TNIK: variants seen among roughly 807,000 people sequenced by gnomAD.
TNIK encodes TRAF2 and NCK-interacting protein kinase.
TNIK carries 49 observed loss-of-function variants against 191.3 expected under a neutral mutation model. The ratio of observed to expected loss-of-function variants is 0.26; its 90% confidence interval spans 0.20 to 0.32. TNIK has a LOEUF of 0.32. Ranked by LOEUF, TNIK falls within the 10% of genes least tolerant of loss-of-function variation. The pLI, the probability that TNIK is intolerant of heterozygous loss-of-function variation, is 1.00. For missense variants in TNIK, 1,155 were observed against 1,702.3 expected (o/e 0.68, Z 5.66); for synonymous variants, 594 against 600.9 (o/e 0.99, Z 0.17).
chr3:171,071,389 A>G (rs911856034), intron 28 of TNIK, 66 bp from the exon 29 acceptor site: 20 of 1,106,940 alleles, frequency 1.8e-5, no homozygotes, highest in Non-Finnish European at 2.6e-5. Context: ...ATTAATATTA[A>G]TGAATGTATA....
chr3:171,084,376 T>A (rs755113152), intron 25 of TNIK, 51 bp from the exon 26 acceptor site: 2 of 1,572,372 alleles, frequency 1.3e-6, no homozygotes, highest in Non-Finnish European at 1.7e-6. Flanking sequence ...AGATAACTTA[T>A]GGAGATGGGG....
At chr3:171,122,770 C>A (rs1358622159) in intron 18 of TNIK, among the ~76,000 whole-genome samples, 1 of 152,164 alleles carries the variant, frequency 6.6e-6, no homozygotes, top group Non-Finnish European at 1.5e-5. Context: ...CTTTTTATAG[C>A]CTTAGCAGAG....
intron 2 of TNIK, among the ~76,000 whole-genome samples, chr3:171,351,306 TAGGAG>T (rs1713166381): frequency 6.6e-6 from 1 of 150,692 alleles, no homozygotes; most frequent in Non-Finnish European, 1.5e-5. Context: ...CATGCAGATA[TAGGAG>T]GTGTGTATAT....
chr3:171,426,676 C>T (rs759439217), intron 1 of TNIK, among the ~76,000 whole-genome samples: 3 of 152,128 alleles, frequency 2.0e-5, no homozygotes, highest in Non-Finnish European at 4.4e-5. Flanking sequence ...CCATCCTCTC[C>T]AGAGTCTCCA....
At chr3:171,138,770 A>G (rs1730380763) in intron 14 of TNIK, among the ~76,000 whole-genome samples, 1 of 152,182 alleles carries the variant, frequency 6.6e-6, no homozygotes, top group African/African-American at 2.4e-5. Flanking sequence ...TCAAACATGT[A>G]CAATTAAGTA....
chr3:171,157,402 T>A, intron 12 of TNIK, 58 bp downstream of exon 12: 1 of 1,537,358 alleles, frequency 6.5e-7, no homozygotes, highest in Non-Finnish European at 8.8e-7. Context: ...AGGGAATGCT[T>A]GGAGAGTGAC....
At chr3:171,340,575 G>A (rs1394311102) in intron 2 of TNIK, among the ~76,000 whole-genome samples, 2 of 152,162 alleles carry the variant, frequency 1.3e-5, no homozygotes, top group South Asian at 2.1e-4. Flanking sequence ...GCCCTGCATC[G>A]TGCCTTGTTG....
intron 2 of TNIK, among the ~76,000 whole-genome samples, chr3:171,231,558 G>A (rs569465182): frequency 6.6e-6 from 1 of 152,224 alleles, no homozygotes; most frequent in South Asian, 2.1e-4. Flanking sequence ...ACGCGCTAGA[G>A]CAGGAAGGAT....
chr3:171,377,123 A>G (rs966115412), intron 1 of TNIK, among the ~76,000 whole-genome samples: 12 of 152,170 alleles, frequency 7.9e-5, no homozygotes, highest in Admixed American at 1.3e-4. Context: ...CCAGGACACA[A>G]ACTGCTCCGA....
intron 11 of TNIK, 62 bp from the exon 12 acceptor site, chr3:171,157,726 C>A: frequency 6.6e-7 from 1 of 1,512,986 alleles, no homozygotes. Context: ...TACCAAGAGG[C>A]CTTGGAGGAG....
In TNIK at chr3:171,060,439, C is replaced by A. The variant is rs1247172510; in HGVS notation, c.*3442G>T. ...TGATGCAAAGTATATTAGGAGTGCA[C>A]CCTAGAAAACAATGTCAAAGTGTTA... On this transcript the variant is annotated 3_prime_UTR_variant, in exon 33 of 33. Coordinates refer to ENST00000436636, the MANE Select transcript of TNIK (RefSeq NM_015028.4). 1.3e-5 allele frequency among the ~76,000 whole-genome samples: 2 copies of A among 152,010 alleles called. No homozygotes were observed. The highest frequency in any genetic ancestry group is 4.8e-5 in the African/African-American group (2 of 41,376).
At chr3:171,383,074 G>A (rs932469820) in intron 1 of TNIK, among the ~76,000 whole-genome samples, 1 of 152,094 alleles carries the variant, frequency 6.6e-6, no homozygotes, top group Non-Finnish European at 1.5e-5. Context: ...GAAAAAAAGC[G>A]AGGCTACAAG....
intron 1 of TNIK, among the ~76,000 whole-genome samples, chr3:171,447,532 G>C (rs80328370): frequency 0.013 from 1,907 of 152,342 alleles, 34 homozygotes; most frequent in African/African-American, 0.044. Flanking sequence ...GGCTATGTGA[G>C]TCACTATTGG....
intron 1 of TNIK, among the ~76,000 whole-genome samples, chr3:171,386,973 G>A (rs1033581481): frequency 2.0e-5 from 3 of 152,162 alleles, no homozygotes; most frequent in Non-Finnish European, 2.9e-5. Flanking sequence ...CTCCTCCCAG[G>A]TCTCTGGATT....
rs372751977 is a variant in TNIK, at chr3:171,108,374, T to TA, written c.2285-213dup. Among the ~76,000 whole-genome samples, 1,284 of 149,018 alleles carry TA rather than the reference T, an allele frequency of 8.6e-3. 13 individuals carry two copies. Among genetic ancestry groups the TA allele is most frequent in the African/African-American group, 0.029 (1,190 of 40,692 alleles). On this transcript the variant is annotated intron_variant, in intron 19 of 32. Transcript: ENST00000436636. ...TGACCTGGAAATCACTAGTAACAATTAAAAAAAAAAGAAATGTAGCAAGTA... is the reference window on the plus strand; with the variant it reads ...TGACCTGGAAATCACTAGTAACAATTAAAAAAAAAAAGAAATGTAGCAAGTA...
intron 29 of TNIK, among the ~76,000 whole-genome samples, chr3:171,070,452 GAGAGAGAGAC>G (rs1362861832): frequency 2.0e-5 from 3 of 152,056 alleles, no homozygotes; most frequent in African/African-American, 7.3e-5. Context: ...TAAGCTGAGA[GAGAGAGAGAC>G]AGAGAGAGAT....
intron 1 of TNIK, among the ~76,000 whole-genome samples, chr3:171,398,000 G>T (rs1051901702): frequency 6.6e-6 from 1 of 152,256 alleles, no homozygotes; most frequent in African/African-American, 2.4e-5. Flanking sequence ...TTAGACCTTA[G>T]ATATGAAGTG....
rs904617 is a variant in TNIK, at chr3:171,107,201, G to A, written c.2388C>T (p.Tyr796=). The A allele has an allele frequency of 0.016, 25,737 of 1,611,154 alleles. 2,498 individuals are homozygous for A. In the African/African-American group the frequency reaches 0.24, roughly 15 times the overall value. Residue 796 remains tyrosine (Y), a synonymous_variant, in exon 21 of 33, where the codon TAC becomes TAT. Coordinates refer to ENST00000436636, the MANE Select transcript of TNIK (RefSeq NM_015028.4). ...DITRPSRPAS[Y]KKAIDEDLTA... ...TACTAACCTCATCTATAGCTTTTTT[G>A]TAGCTCTGAAATGAGAGGAACCCAA...
rs1715815266 is a variant in TNIK at position 171,366,996 on chromosome 3, G to T, written c.123+2624C>A. On this transcript the variant is annotated intron_variant, in intron 2 of 32. Coordinates refer to ENST00000436636, the MANE Select transcript of TNIK (RefSeq NM_015028.4). This position sits in a 1 kb window ranked among gnomAD's most constrained non-coding sequence, Gnocchi z 4.1. ...AATTTCCTGAGGCCTCCTCAGCCAG[G>T]CAGAACTGTGAGTCAGTTAAACCTC... Among the ~76,000 whole-genome samples the T allele has an allele frequency of 6.6e-6, 1 of 152,184 alleles. No individual in the cohort carries two copies. Among genetic ancestry groups the T allele is most frequent in the Non-Finnish European group, 1.5e-5 (1 of 68,030 alleles).
Sources: allele counts gnomAD v4.1 joint callset (sites outside exome capture counted in the v4.1 genomes callset), GRCh38; gene constraint gnomAD v4.1.1; non-coding constraint Gnocchi (gnomAD v3.1); transcripts MANE v1.5; gene names NCBI Gene and HGNC (gene_info 2026-07-23, HGNC 2026-07-21).